Variants in DCC observed in about 807,000 individuals in gnomAD.
The protein encoded by DCC is DCC netrin 1 receptor, also known as netrin receptor DCC.
Under a neutral mutation model 172.5 loss-of-function variants are expected in DCC, and 58 were observed. The ratio of observed to expected loss-of-function variants is 0.34; its 90% confidence interval spans 0.27 to 0.42. DCC has a LOEUF of 0.42. Ranked by LOEUF, DCC falls within the 10% of genes least tolerant of loss-of-function variation. The pLI is 1.00. For missense variants in DCC, 1,740 were observed against 1,791.0 expected, an observed-to-expected ratio of 0.97 and a Z score of 0.51; for synonymous variants, 709 against 644.5, an observed-to-expected ratio of 1.10 and a Z score of -1.52.
intron 12 of DCC, among the ~76,000 whole-genome samples, chr18:53,298,852 C>T (rs953794774): frequency 6.6e-6 from 1 of 151,646 alleles, no homozygotes; most frequent in South Asian, 2.1e-4. Context: ...AAGTAGAGTC[C>T]CTGTGATTAC....
intron 26 of DCC, among the ~76,000 whole-genome samples, chr18:53,492,277 T>C (rs1304965988): frequency 6.6e-6 from 1 of 152,208 alleles, no homozygotes; most frequent in South Asian, 2.1e-4. Flanking sequence ...TTCACTCTGA[T>C]GATAGCTTTT....
chr18:53,028,715 A>G (rs1054053391), intron 5 of DCC, among the ~76,000 whole-genome samples: 4 of 152,162 alleles, frequency 2.6e-5, no homozygotes, highest in Non-Finnish European at 5.9e-5. Context: ...AGTAGCCTCT[A>G]CAATACTTCC....
intron 1 of DCC, among the ~76,000 whole-genome samples, chr18:52,667,450 T>G (rs906077534): frequency 6.6e-6 from 1 of 152,260 alleles, no homozygotes; most frequent in Admixed American, 6.5e-5. Context: ...GACTTTGGCC[T>G]GTTGTAAGCC....
At chr18:52,706,356 C>T (rs1044388536) in intron 1 of DCC, among the ~76,000 whole-genome samples, 1 of 152,106 alleles carries the variant, frequency 6.6e-6, no homozygotes, top group African/African-American at 2.4e-5. Flanking sequence ...TCTCACAGAC[C>T]AAGGCTTGAA....
chr18:53,520,140 A>G (rs2046383869), intron 27 of DCC, among the ~76,000 whole-genome samples: 1 of 152,120 alleles, frequency 6.6e-6, no homozygotes, highest in Non-Finnish European at 1.5e-5. Context: ...AAGTGTGGCA[A>G]TGCCCCATTT....
intron 1 of DCC, among the ~76,000 whole-genome samples, chr18:52,351,987 G>C (rs923487524): frequency 1.3e-5 from 2 of 152,068 alleles, no homozygotes; most frequent in Non-Finnish European, 2.9e-5. Flanking sequence ...CTTTGGTCTC[G>C]ATAAGAGGGG....
chr18:53,311,251 A>G (rs914750102), intron 13 of DCC, among the ~76,000 whole-genome samples: 1 of 152,000 alleles, frequency 6.6e-6, no homozygotes, highest in African/African-American at 2.4e-5. Flanking sequence ...CCTCACCAGT[A>G]GCTGGGATTA....
At chr18:53,058,784 TA>T (rs1384268615) in intron 5 of DCC, among the ~76,000 whole-genome samples, 2 of 152,050 alleles carry the variant, frequency 1.3e-5, no homozygotes, top group African/African-American at 4.8e-5. Context: ...CATGCACAAA[TA>T]AATACAGTGC....
intron 27 of DCC, among the ~76,000 whole-genome samples, chr18:53,516,352 A>G (rs1355558706): frequency 6.8e-6 from 1 of 147,276 alleles, no homozygotes; most frequent in East Asian, 2.0e-4. Flanking sequence ...AAACCCTAGA[A>G]GAAAACCTAG....
At chr18:52,804,491 T>C (rs546179506) in intron 2 of DCC, among the ~76,000 whole-genome samples, 2 of 152,182 alleles carry the variant, frequency 1.3e-5, no homozygotes, top group Non-Finnish European at 2.9e-5. Flanking sequence ...CATCGGTTTA[T>C]AGACAAAAAA....
At position 52,497,260 on chromosome 18, in the gene DCC, C is replaced by CAAAAAA. The variant is rs111476286; in HGVS notation, c.91+156398_91+156403dup. 4.9e-3 allele frequency among the ~76,000 whole-genome samples: 262 copies of CAAAAAA among 53,924 alleles called. 20 individuals are homozygous for CAAAAAA. The highest frequency in any genetic ancestry group is 0.013 in the Middle Eastern group (1 of 76). The allele number at this position is 53,924 out of a possible 152,430, so 35.4% of individuals were successfully genotyped here. The stretch of plus-strand genomic sequence containing the variant: ...TGGGTAACAGAGTGAGACCCTGTAT[C>CAAAAAA]AAAAAAAAAAAAAAAAAAAAATATA... On this transcript the variant is annotated intron_variant, in intron 1 of 28. Transcript: ENST00000442544.
In DCC at chr18:52,417,969, G is replaced by T. The variant is rs117299169; in HGVS notation, c.91+77091G>T. 2.4e-3 allele frequency among the ~76,000 whole-genome samples: 362 copies of T among 152,248 alleles called. 7 individuals are homozygous for T. The East Asian group carries it at 0.031, about 13-fold the overall frequency. On this transcript the variant is annotated intron_variant, in intron 1 of 28. Coordinates refer to ENST00000442544, the MANE Select transcript of DCC (RefSeq NM_005215.4). The stretch of plus-strand genomic sequence containing the variant: ...GCAGGACCATAGCGCAGCTCTGTCC[G>T]CATCATCTGTCATTAATTCTTCGCT...
intron 5 of DCC, among the ~76,000 whole-genome samples, chr18:52,947,331 T>A (rs926815988): frequency 6.6e-6 from 1 of 152,206 alleles, no homozygotes; most frequent in Non-Finnish European, 1.5e-5. Context: ...AAACTGTCTA[T>A]ATATTTGTAC....
At chr18:53,180,911 C>A (rs1209479573) in intron 9 of DCC, among the ~76,000 whole-genome samples, 2 of 152,126 alleles carry the variant, frequency 1.3e-5, no homozygotes, top group Non-Finnish European at 2.9e-5. Context: ...TCGCGCCCAG[C>A]CCAACATTTG....
chr18:52,950,692 A>AG (rs565928415), intron 5 of DCC, among the ~76,000 whole-genome samples: 51 of 151,494 alleles, frequency 3.4e-4, no homozygotes, highest in Admixed American at 6.6e-4. Flanking sequence ...TGGGAGGCCG[A>AG]GGGGGGTGGA....
At chr18:52,417,293 C>T (rs1286444586) in intron 1 of DCC, among the ~76,000 whole-genome samples, 2 of 152,142 alleles carry the variant, frequency 1.3e-5, no homozygotes, top group African/African-American at 2.4e-5. Context: ...TTCTCTCTGG[C>T]TGCCCTTAAC....
Position 53,501,797 on chromosome 18 carries a change from C to T in DCC, c.4111+2287C>T, listed in dbSNP as rs544120754. On this transcript the variant is annotated intron_variant, in intron 27 of 28. Coordinates refer to ENST00000442544, the MANE Select transcript of DCC (RefSeq NM_005215.4). ...CAAGATTTGGAAGTCAACCTATGCT[C>T]TGAAGTGCTACAATAACAAAAGGAT... Among the ~76,000 whole-genome samples the T allele has an allele frequency of 3.9e-5, 6 of 152,238 alleles. No individual in the cohort carries two copies. In the South Asian group the frequency reaches 1.2e-3, roughly 32 times the overall value.
At chr18:53,298,974 T>A (rs1398938385) in intron 12 of DCC, among the ~76,000 whole-genome samples, 1 of 152,176 alleles carries the variant, frequency 6.6e-6, no homozygotes, top group East Asian at 1.9e-4. Context: ...TGTCCCAATT[T>A]CCTTCTTTGT....
chr18:52,568,110 A>C (rs372178074), intron 1 of DCC, among the ~76,000 whole-genome samples: 61 of 152,302 alleles, frequency 4.0e-4, no homozygotes, highest in African/African-American at 1.4e-3. Flanking sequence ...ATGGGTAGAC[A>C]AGGTCTCACT....
Sources: gnomAD v4.1 joint callset for allele counts (sites outside exome capture counted in the v4.1 genomes callset) on GRCh38, gnomAD v4.1.1 for gene constraint, MANE v1.5 for transcripts, NCBI Gene and HGNC (gene_info 2026-07-23, HGNC 2026-07-21) for gene names.